Variants in SDK1 observed in about 807,000 individuals in gnomAD.
The protein encoded by SDK1 is protein sidekick-1.
A neutral mutation model predicts 245.5 loss-of-function variants in SDK1; 157 were observed. The observed-to-expected ratio is 0.64, with a 90% CI of 0.56 to 0.73. SDK1 has a LOEUF of 0.73. Among genes scored for constraint, SDK1 ranks in the 30% least tolerant of loss-of-function variants. SDK1 has a pLI of 0.00. For synonymous variants in SDK1, 1,647 were observed against 1,278.5 expected, an observed-to-expected ratio of 1.29 and a Z score of -6.15; for missense variants, 3,583 against 3,002.3, an observed-to-expected ratio of 1.19 and a Z score of -4.52.
chr7:3,800,358 C>CTTATTTATTTAT lies in SDK1; in HGVS notation c.714-21089_714-21088insTTTATTTATTTA, dbSNP rs1204200723. ...TACACTAATCGCCATCTTTTACTTA[C>CTTATTTATTTAT]TTACTTACTTACTTATTTATTTATT... On this transcript the variant is annotated intron_variant, in intron 4 of 44. Coordinates refer to ENST00000404826, the MANE Select transcript of SDK1 (RefSeq NM_152744.4). Among the ~76,000 whole-genome samples, 58 of 147,632 alleles carry CTTATTTATTTAT rather than the reference C, an allele frequency of 3.9e-4. 1 individual carries two copies. The highest frequency in any genetic ancestry group is 1.2e-3 in the African/African-American group (48 of 39,208).
chr7:3,723,739 T>C (rs1778900052), intron 4 of SDK1, among the ~76,000 whole-genome samples: 1 of 151,414 alleles, frequency 6.6e-6, no homozygotes. Flanking sequence ...CATATACATA[T>C]ACACGTGTAT....
chr7:3,496,195 A>C (rs1027253748), intron 1 of SDK1, among the ~76,000 whole-genome samples: 3 of 152,092 alleles, frequency 2.0e-5, no homozygotes, highest in African/African-American at 7.2e-5. Flanking sequence ...TGAGGCTAGC[A>C]GTGGGACCTG....
chr7:3,388,965 G>C (rs796373471), intron 1 of SDK1, among the ~76,000 whole-genome samples: 3 of 152,268 alleles, frequency 2.0e-5, no homozygotes, highest in African/African-American at 7.2e-5. Flanking sequence ...CGTGATACCT[G>C]CTGGAAAGGA....
chr7:3,477,396 T>G (rs775428515), intron 1 of SDK1, among the ~76,000 whole-genome samples: 8 of 151,520 alleles, frequency 5.3e-5, no homozygotes, highest in Non-Finnish European at 7.4e-5. Context: ...GGGTTTCACC[T>G]TGTTGGCCAG....
At chr7:3,308,176 A>C (rs1033592017) in intron 1 of SDK1, among the ~76,000 whole-genome samples, 2 of 152,144 alleles carry the variant, frequency 1.3e-5, no homozygotes, top group Non-Finnish European at 2.9e-5. Context: ...TGGAGAAATA[A>C]ATTTTCTTAA....
chr7:4,028,827 G>A (rs1787564779), intron 17 of SDK1, among the ~76,000 whole-genome samples: 2 of 152,182 alleles, frequency 1.3e-5, no homozygotes, highest in Admixed American at 1.3e-4. Flanking sequence ...TCAAAAAGGA[G>A]AGGAAGAGCC....
chr7:4,039,314 T>G (rs10254902), intron 17 of SDK1, among the ~76,000 whole-genome samples: 35,943 of 151,570 alleles, frequency 0.24, 5,952 homozygotes, highest in African/African-American at 0.48. Context: ...AAAAAAAAAG[T>G]TTCTTATTAT....
chr7:4,113,469 G>A (rs1332657579), intron 24 of SDK1, 30 bp downstream of exon 24: 10 of 1,611,142 alleles, frequency 6.2e-6, no homozygotes, highest in South Asian at 2.2e-5. Context: ...GAGGCTGGAG[G>A]CACACGGGTC....
rs145893566 is a variant in SDK1, at chr7:4,105,012, G to A, written c.3325-5651G>A. ...TTATTTATTCTTTTGAGATGAAGTC[G>A]CACTCTGTCACCCTGGCTGGTGTGG... On this transcript the variant is annotated intron_variant, in intron 22 of 44. Transcript: ENST00000404826. Among the ~76,000 whole-genome samples the A allele has an allele frequency of 4.7e-4, 72 of 151,932 alleles. 1 individual carries two copies. The East Asian group carries it at 0.011, about 22-fold the overall frequency.
intron 1 of SDK1, among the ~76,000 whole-genome samples, chr7:3,304,542 G>T (rs1779367728): frequency 6.6e-6 from 1 of 152,156 alleles, no homozygotes; most frequent in African/African-American, 2.4e-5. Flanking sequence ...TGTCCATGGG[G>T]CTGTTTGTTC....
intron 1 of SDK1, among the ~76,000 whole-genome samples, chr7:3,512,017 A>G (rs1002511438): frequency 4.6e-5 from 7 of 151,758 alleles, no homozygotes; most frequent in African/African-American, 1.7e-4. Flanking sequence ...TTGATATTGT[A>G]CATTCTCTGG....
intron 35 of SDK1, among the ~76,000 whole-genome samples, chr7:4,193,730 A>T (rs1783374262): frequency 6.6e-6 from 1 of 151,730 alleles, no homozygotes; most frequent in African/African-American, 2.4e-5. Context: ...AGGAGTGAAG[A>T]CTCTCACTCA....
chr7:4,129,208 C>T (rs113052288), intron 26 of SDK1, among the ~76,000 whole-genome samples: 131 of 53,730 alleles, frequency 2.4e-3, no homozygotes, highest in Admixed American at 4.9e-3. Flanking sequence ...TAGAGCAGCT[C>T]GGGGTGGGGT....
At chr7:4,000,147 T>G (rs1784967031) in intron 14 of SDK1, among the ~76,000 whole-genome samples, 1 of 152,212 alleles carries the variant, frequency 6.6e-6, no homozygotes. Flanking sequence ...CAAGATGGCC[T>G]AGAGCCCCAG....
At chr7:3,867,572 G>A (rs1395517369) in intron 5 of SDK1, among the ~76,000 whole-genome samples, 4 of 152,068 alleles carry the variant, frequency 2.6e-5, no homozygotes, top group African/African-American at 7.2e-5. Flanking sequence ...CTTGTGCAGG[G>A]GAGCTTCTCT....
chr7:3,373,871 C>T (rs556461755), intron 1 of SDK1, among the ~76,000 whole-genome samples: 1 of 152,254 alleles, frequency 6.6e-6, no homozygotes, highest in South Asian at 2.1e-4. Context: ...ACCTCATTCA[C>T]AATCACAAGC....
intron 4 of SDK1, among the ~76,000 whole-genome samples, chr7:3,799,505 C>G (rs1779052495): frequency 6.6e-6 from 1 of 151,726 alleles, no homozygotes; most frequent in Admixed American, 6.6e-5. Flanking sequence ...GAGATCGAGA[C>G]CATCCTGGCT....
At chr7:3,710,104 C>CT (rs1785006716) in intron 4 of SDK1, among the ~76,000 whole-genome samples, 1 of 152,156 alleles carries the variant, frequency 6.6e-6, no homozygotes, top group South Asian at 2.1e-4. Flanking sequence ...GTTCACAAAC[C>CT]TTTTATGTTT....
At chr7:3,723,923 C>CAT (rs1778920451) in intron 4 of SDK1, among the ~76,000 whole-genome samples, 4 of 109,250 alleles carry the variant, frequency 3.7e-5, no homozygotes, top group African/African-American at 1.7e-4. Context: ...TATATATACA[C>CAT]GTATATATAT....
Sources: allele counts gnomAD v4.1 joint callset (sites outside exome capture counted in the v4.1 genomes callset), GRCh38; gene constraint gnomAD v4.1.1; transcripts MANE v1.5; gene names NCBI Gene and HGNC (gene_info 2026-07-23, HGNC 2026-07-21).